The following VPS53 variants were observed in gnomAD, a reference collection of about 807,000 sequenced individuals.
The protein encoded by VPS53 is VPS53 subunit of GARP complex.
A neutral mutation model predicts 107.0 loss-of-function variants in VPS53; 70 were observed. That is an observed-to-expected ratio of 0.65 (90% confidence interval 0.54 to 0.80). The LOEUF (loss-of-function observed/expected upper bound fraction) is 0.80. Ranked by LOEUF, VPS53 falls within the 30% of genes least tolerant of loss-of-function variation. The probability of loss-of-function intolerance (pLI) is 0.00; values close to 1 mark genes in which losing one functional copy is unlikely to be tolerated. For missense variants in VPS53, 917 were observed against 1,049.4 expected (o/e 0.87, Z 1.74); for synonymous variants, 409 against 393.3 (o/e 1.04, Z -0.47).
At chr17:662,524 C>A (rs933569419) in intron 4 of VPS53, among the ~76,000 whole-genome samples, 2 of 151,848 alleles carry the variant, frequency 1.3e-5, no homozygotes, top group Admixed American at 6.6e-5. Flanking sequence ...CCCATCTCTA[C>A]TAAAAATACA....
chr17:679,995 A>C (rs1315399324), intron 4 of VPS53, among the ~76,000 whole-genome samples: 1 of 151,750 alleles, frequency 6.6e-6, no homozygotes, highest in Non-Finnish European at 1.5e-5. Context: ...TAAAAATACA[A>C]AAATTTAGCT....
chr17:548,518 C>G (rs572705980), intron 17 of VPS53, among the ~76,000 whole-genome samples: 1 of 134,192 alleles, frequency 7.5e-6, no homozygotes, highest in Non-Finnish European at 1.7e-5. Flanking sequence ...GGCCAGCCAA[C>G]AGTCCTTCTG....
rs112104175 is a variant in VPS53, at chr17:686,093, A to G, written c.285+11325T>C. 9.9e-3 allele frequency among the ~76,000 whole-genome samples: 1,507 copies of G among 152,006 alleles called. 25 individuals carry two copies. The highest frequency in any genetic ancestry group is 0.034 in the African/African-American group (1,409 of 41,442). Reference sequence around the variant, plus strand: ...CAGCACTCTGGGAAGCGTAGGTGGGAGGATCACCTGAAGCCAGGAGTTCTA... The same window carrying G: ...CAGCACTCTGGGAAGCGTAGGTGGGGGGATCACCTGAAGCCAGGAGTTCTA... On this transcript the variant is annotated intron_variant, in intron 4 of 21. Transcript: ENST00000437048.
chr17:714,772 C>T lies in VPS53; in HGVS notation c.-63G>A. The stretch of plus-strand genomic sequence containing the variant: ...CCAACTCAGGCCTCCAGCCGCCACC[C>T]AGGCCCCAGCACAGCAACTCCCTCG... On this transcript the variant is annotated 5_prime_UTR_variant, in exon 1 of 22. Transcript: ENST00000437048. The T allele has an allele frequency of 6.3e-7, 1 of 1,581,826 alleles. No individual in the cohort carries two copies. Among genetic ancestry groups the T allele is most frequent in the East Asian group, 2.2e-5 (1 of 44,706 alleles).
intron 7 of VPS53, among the ~76,000 whole-genome samples, chr17:644,652 C>T (rs936116474): frequency 2.0e-5 from 3 of 151,814 alleles, no homozygotes; most frequent in African/African-American, 7.3e-5. Context: ...GGCACAGTCT[C>T]GGCTCACTGC....
chr17:637,467 A>G (rs1157489855), intron 7 of VPS53, among the ~76,000 whole-genome samples: 1 of 152,020 alleles, frequency 6.6e-6, no homozygotes, highest in Non-Finnish European at 1.5e-5. Flanking sequence ...CGAGCTTTTG[A>G]ATGTGTTTGC....
intron 12 of VPS53, among the ~76,000 whole-genome samples, chr17:598,231 G>T (rs113740573): frequency 6.6e-6 from 1 of 152,146 alleles, no homozygotes; most frequent in Admixed American, 6.5e-5. Flanking sequence ...CCGAGGTGCC[G>T]GGATTGCAGA....
At chr17:638,435 T>A (rs192786901) in intron 7 of VPS53, among the ~76,000 whole-genome samples, 1 of 152,304 alleles carries the variant, frequency 6.6e-6, no homozygotes, top group East Asian at 1.9e-4. Flanking sequence ...AATATTGTTA[T>A]GTGTGAATTT....
rs1970099367 is a variant in VPS53, at chr17:634,365, T to C, written c.609-2737A>G. ...TTCCTTGCCATGCTCTTCATTTTCA[T>C]TTTTTTACATTAAATTATTATGTAC... is the stretch of plus-strand genomic sequence containing the variant. On this transcript the variant is annotated intron_variant, in intron 7 of 21. Transcript: ENST00000437048. Among the ~76,000 whole-genome samples, 6 of 152,254 alleles carry C rather than the reference T, an allele frequency of 3.9e-5. No homozygotes were observed. In the South Asian group the frequency reaches 1.0e-3, roughly 26 times the overall value.
At chr17:647,670 G>C (rs1970763444) in intron 7 of VPS53, among the ~76,000 whole-genome samples, 1 of 152,182 alleles carries the variant, frequency 6.6e-6, no homozygotes, top group Non-Finnish European at 1.5e-5. Flanking sequence ...CTAGGTGTGA[G>C]GGGTAGGAAG....
intron 12 of VPS53, among the ~76,000 whole-genome samples, chr17:598,855 G>C (rs1327597504): frequency 1.4e-5 from 1 of 72,816 alleles, no homozygotes; most frequent in African/African-American, 4.8e-5. Context: ...CAGCCACCCC[G>C]TCCGGGAGGG....
At chr17:525,996 CAAA>C (rs10677094) in intron 19 of VPS53, among the ~76,000 whole-genome samples, 4 of 74,680 alleles carry the variant, frequency 5.4e-5, no homozygotes, top group Admixed American at 1.7e-4. Flanking sequence ...GACATTTTCT[CAAA>C]AAAAAAAAAA....
At chr17:556,193 G>A (rs1399660382) in intron 15 of VPS53, among the ~76,000 whole-genome samples, 1 of 152,160 alleles carries the variant, frequency 6.6e-6, no homozygotes, top group East Asian at 1.9e-4. Context: ...GGGAGGCTGA[G>A]GGTAGGATCG....
intron 11 of VPS53, among the ~76,000 whole-genome samples, chr17:604,801 G>T (rs567283909): frequency 1.4e-4 from 22 of 152,244 alleles, no homozygotes; most frequent in African/African-American, 5.1e-4. Flanking sequence ...CTCATTTGTG[G>T]CACATGCATT....
chr17:526,366 T>C (rs1326396429), intron 19 of VPS53, among the ~76,000 whole-genome samples: 9 of 152,260 alleles, frequency 5.9e-5, no homozygotes. Context: ...CATAATTCTC[T>C]AGTGTCCCTC....
At chr17:522,337 C>T (rs963480250) in intron 19 of VPS53, among the ~76,000 whole-genome samples, 10 of 152,198 alleles carry the variant, frequency 6.6e-5, no homozygotes, top group African/African-American at 2.2e-4. Flanking sequence ...CTGGTTTTCT[C>T]ACTTAATATA....
intron 4 of VPS53, among the ~76,000 whole-genome samples, chr17:678,715 T>G (rs1972263694): frequency 6.6e-6 from 1 of 151,826 alleles, no homozygotes; most frequent in African/African-American, 2.4e-5. Context: ...CTCGGCTCAC[T>G]GCAAGCTCCA....
intron 11 of VPS53, among the ~76,000 whole-genome samples, chr17:616,884 G>C (rs976345238): frequency 5.9e-5 from 9 of 152,164 alleles, no homozygotes; most frequent in African/African-American, 1.9e-4. Flanking sequence ...GAGGTCCTGG[G>C]ACAGACCCAG....
chr17:562,042 T>A (rs1170493044), intron 14 of VPS53, among the ~76,000 whole-genome samples: 3 of 152,194 alleles, frequency 2.0e-5, no homozygotes, highest in Non-Finnish European at 2.9e-5. Context: ...GCAGGAAGTG[T>A]GCACCACAAG....
Sources: gnomAD v4.1 joint callset for allele counts (sites outside exome capture counted in the v4.1 genomes callset) on GRCh38, gnomAD v4.1.1 for gene constraint, MANE v1.5 for transcripts, NCBI Gene and HGNC (gene_info 2026-07-23, HGNC 2026-07-21) for gene names.